Variants in PRPF40B observed in about 807,000 individuals in gnomAD.
The protein encoded by PRPF40B is pre-mRNA-processing factor 40 homolog B.
PRPF40B carries 56 observed loss-of-function variants against 124.5 expected under a neutral mutation model. The observed-to-expected ratio is 0.45, with a 90% CI of 0.36 to 0.56. The LOEUF (loss-of-function observed/expected upper bound fraction) is 0.56. PRPF40B is among the 20% of genes least tolerant of loss of function. PRPF40B has a pLI of 0.00. For synonymous variants in PRPF40B, 443 were observed against 426.4 expected, an observed-to-expected ratio of 1.04 and a Z score of -0.48; for missense variants, 1,053 against 1,169.5, an observed-to-expected ratio of 0.90 and a Z score of 1.45.
At chr12:49,626,658 G>A (rs563334146) in intron 1 of PRPF40B, among the ~76,000 whole-genome samples, 3 of 152,248 alleles carry the variant, frequency 2.0e-5, no homozygotes, top group South Asian at 4.1e-4. Flanking sequence ...GGCGGCCTTC[G>A]TTGCAAGGCT....
chr12:49,632,995 T>TGGGGGGGGGGGGGGGGGGGG lies in PRPF40B; in HGVS notation c.349-18_349-17insGGGGGGGGGGGGGGGGGGGG. Reference sequence around the variant, plus strand: ...AAAAGGGGCCTTGACCACCATTCTGTGCCCCCCCCCCCACCCAGAGGGCCC... The same window carrying TGGGGGGGGGGGGGGGGGGGG: ...AAAAGGGGCCTTGACCACCATTCTGTGGGGGGGGGGGGGGGGGGGGGCCCCCCCCCCCACCCAGAGGGCCC... On this transcript the variant is annotated intron_variant, in intron 6 of 25. Transcript: ENST00000548825. 1.5e-6 allele frequency: 2 copies of TGGGGGGGGGGGGGGGGGGGG among 1,365,430 alleles called. No individual in the cohort carries two copies. The highest frequency in any genetic ancestry group is 1.8e-5 in the Admixed American group (1 of 54,442). The allele number at this position is 1,365,430 out of a possible 1,614,324, so 84.6% of individuals were successfully genotyped here. A position where few individuals can be genotyped will look rare whatever the true frequency, so the allele number is the denominator to read the frequency against.
At position 49,641,959 on chromosome 12, in the gene PRPF40B, G is replaced by C; in HGVS notation, c.1819G>C (p.Val607Leu). 2 of 1,613,874 alleles carry C rather than the reference G, an allele frequency of 1.2e-6. No individual in the cohort carries two copies. The highest frequency in any genetic ancestry group is 8.5e-7 in the Non-Finnish European group (1 of 1,180,042). Reference sequence around the variant, plus strand: ...CACGGCCTTTGAGGACTTCGCCCACGTCATAAGCTTTGACAAGAGGGCTGC... The same window carrying C: ...CACGGCCTTTGAGGACTTCGCCCACCTCATAAGCTTTGACAAGAGGGCTGC... The part of the protein sequence containing the change: ...VNTAFEDFAH[V>L]ISFDKRAAAL... The change falls in exon 19 of 26, where the codon GTC (valine) becomes CTC (leucine). Residue 607 changes from valine (V) to leucine (L), a missense_variant. Physicochemically the swap from Val to Leu is conservative, Grantham distance 32. This residue lies in a region of PRPF40B where 895 missense variants were observed against 1,052.2 expected (regional missense o/e 0.85). Transcript: ENST00000548825.
intron 1 of PRPF40B, among the ~76,000 whole-genome samples, chr12:49,626,702 C>T (rs2138389391): frequency 6.6e-6 from 1 of 152,190 alleles, no homozygotes; most frequent in Admixed American, 6.5e-5. Flanking sequence ...GTAGGGTAGG[C>T]AATCGGGAAC....
In PRPF40B at chr12:49,632,996, G is replaced by GCGCC; in HGVS notation, c.349-17_349-16insGCCC. On this transcript the variant is annotated splice_polypyrimidine_tract_variant and intron_variant, in intron 6 of 25. Transcript: ENST00000548825. ...AAAGGGGCCTTGACCACCATTCTGT[G>GCGCC]CCCCCCCCCCCACCCAGAGGGCCCT... 8.7e-7 allele frequency: 1 copy of GCGCC among 1,147,396 alleles called. No homozygotes were observed. The highest frequency in any genetic ancestry group is 1.2e-6 in the Non-Finnish European group (1 of 823,012). The allele number at this position is 1,147,396 out of a possible 1,614,324, so 71.1% of individuals were successfully genotyped here.
chr12:49,629,737 T>C (rs1479304945), intron 1 of PRPF40B, among the ~76,000 whole-genome samples: 1 of 152,314 alleles, frequency 6.6e-6, no homozygotes, highest in East Asian at 1.9e-4. Flanking sequence ...AGGAAGGAGC[T>C]ACTTTAAATA....
intron 24 of PRPF40B, 39 bp downstream of exon 24, chr12:49,643,791 G>T: frequency 1.2e-6 from 2 of 1,613,682 alleles, no homozygotes; most frequent in Non-Finnish European, 1.7e-6. Context: ...CTGCTATTTT[G>T]TGAGTTCTGT....
intron 1 of PRPF40B, among the ~76,000 whole-genome samples, chr12:49,630,163 G>T (rs1941082129): frequency 6.6e-6 from 1 of 152,248 alleles, no homozygotes; most frequent in Non-Finnish European, 1.5e-5. Flanking sequence ...GGGAATAAAA[G>T]AGACCTCTAA....
intron 1 of PRPF40B, among the ~76,000 whole-genome samples, chr12:49,625,232 C>T (rs1940600233): frequency 6.6e-6 from 1 of 152,186 alleles, no homozygotes; most frequent in Non-Finnish European, 1.5e-5. Context: ...TCTGTGGCGC[C>T]ATCATCCTTG....
intron 12 of PRPF40B, 163 bp from the exon 13 acceptor site, chr12:49,634,936 C>T: frequency 2.6e-6 from 2 of 774,180 alleles, no homozygotes; most frequent in East Asian, 2.7e-5. Flanking sequence ...CTTCCCCTCA[C>T]TTCCTGTCAC....
rs187948329 is a variant in PRPF40B at position 49,637,833 on chromosome 12, G to C, written c.1767+9G>C. On this transcript the variant is annotated intron_variant, in intron 18 of 25. Coordinates refer to ENST00000548825, the MANE Select transcript of PRPF40B (RefSeq NM_001031698.3). ...TTAAGGACATCCTTAAGGTGAGGGA[G>C]GCTGGGGTTATGGATGGATACAGGA... 188 of 1,594,576 alleles carry C rather than the reference G, an allele frequency of 1.2e-4. No individual in the cohort carries two copies. The African/African-American group carries it at 2.3e-3, about 19-fold the overall frequency.
At chr12:49,630,769 C>T (rs1262280579) in intron 2 of PRPF40B, 144 bp downstream of exon 2, 3 of 607,810 alleles carry the variant, frequency 4.9e-6, no homozygotes, top group Non-Finnish European at 9.0e-6. Context: ...TTTACTTGAG[C>T]ATTGGGTTGG....
chr12:49,628,380 C>T (rs796595433), intron 1 of PRPF40B, among the ~76,000 whole-genome samples: 9 of 152,164 alleles, frequency 5.9e-5, no homozygotes, highest in African/African-American at 2.2e-4. Context: ...CGTGCCTCAG[C>T]CTCCCCAGTA....
intron 5 of PRPF40B, 28 bp downstream of exon 5, chr12:49,632,651 C>A (rs781656829): frequency 3.7e-6 from 6 of 1,612,576 alleles, no homozygotes; most frequent in South Asian, 1.1e-5. Context: ...CTGCTCCCCC[C>A]AGGCTCGGAG....
rs1383646589 is a variant in PRPF40B, at chr12:49,635,771, G to A, written c.1276-72G>A. 1.3e-6 allele frequency: 2 copies of A among 1,571,148 alleles called. No individual in the cohort carries two copies. The highest frequency in any genetic ancestry group is 4.5e-5 in the East Asian group (2 of 44,382). ...GGGTTCCCTAGCTACCTTTCCCCAGGTCCTCCTCTGCCCAGGCCTACTTGG... is the reference window on the plus strand; with the variant it reads ...GGGTTCCCTAGCTACCTTTCCCCAGATCCTCCTCTGCCCAGGCCTACTTGG... On this transcript the variant is annotated intron_variant, in intron 14 of 25. Coordinates refer to ENST00000548825, the MANE Select transcript of PRPF40B (RefSeq NM_001031698.3). This position sits in a 1 kb window ranked among gnomAD's most constrained non-coding sequence, Gnocchi z 4.1.
intron 1 of PRPF40B, among the ~76,000 whole-genome samples, chr12:49,627,387 CA>C (rs1326614002): frequency 1.3e-5 from 2 of 152,076 alleles, no homozygotes; most frequent in Admixed American, 1.3e-4. Context: ...TGGTGTTGTA[CA>C]AGTATATAAA....
chr12:49,623,037 G>C (rs1385677143), upstream of PRPF40B, among the ~76,000 whole-genome samples: 1 of 150,756 alleles, frequency 6.6e-6, no homozygotes, highest in Non-Finnish European at 1.5e-5. Flanking sequence ...ACAAGGGCGT[G>C]ATTTCGGGGA....
intron 1 of PRPF40B, among the ~76,000 whole-genome samples, chr12:49,629,180 T>C (rs1176013763): frequency 6.6e-6 from 1 of 152,246 alleles, no homozygotes. Context: ...TGTCCCTTTC[T>C]ACCATTTCTT....
At chr12:49,636,957 T>A in intron 16 of PRPF40B, 108 bp downstream of exon 16, 1 of 1,523,544 alleles carries the variant, frequency 6.6e-7, no homozygotes, top group Non-Finnish European at 8.9e-7. Context: ...TTTCTGTGCC[T>A]AGCCCTGTCC....
In PRPF40B at chr12:49,642,135, G is replaced by C; in HGVS notation, c.1885-100G>C. On this transcript the variant is annotated intron_variant, in intron 19 of 25. Coordinates refer to ENST00000548825, the MANE Select transcript of PRPF40B (RefSeq NM_001031698.3). The surrounding 1 kb of genome is among the most constrained non-coding windows in gnomAD (Gnocchi z 5.8). ...ATTCCCAATTCAGGGGATGGTGGTA[G>C]AAGCCCAGACCCTAACTTTCCACCT... 6.3e-7 allele frequency: 1 copy of C among 1,598,652 alleles called. No homozygotes were observed. Among genetic ancestry groups the C allele is most frequent in the Non-Finnish European group, 8.5e-7 (1 of 1,170,200 alleles).
Sources: gnomAD v4.1 joint callset for allele counts (sites outside exome capture counted in the v4.1 genomes callset) on GRCh38, gnomAD v4.1.1 for gene constraint, gnomAD v4.1.1 regional missense constraint, Gnocchi (gnomAD v3.1) non-coding constraint, MANE v1.5 for transcripts, NCBI Gene and HGNC (gene_info 2026-07-23, HGNC 2026-07-21) for gene names.